Variants in CEP131 observed in about 807,000 individuals in gnomAD.
CEP131 encodes centrosomal protein 131.
A neutral mutation model predicts 136.8 loss-of-function variants in CEP131; 99 were observed. That is an observed-to-expected ratio of 0.72 (90% CI 0.62 to 0.86). The LOEUF (loss-of-function observed/expected upper bound fraction) is 0.86, where lower values mean the gene tolerates loss of function less well. CEP131 is among the 40% of genes least tolerant of loss of function. The pLI, the probability that CEP131 is intolerant of heterozygous loss-of-function variation, is 0.00. For synonymous variants in CEP131, 646 were observed against 612.7 expected (o/e 1.05, Z -0.80); for missense variants, 1,459 against 1,463.0 (o/e 1.00, Z 0.04).
chr17:81,209,530 G>C, intron 2 of CEP131, among the ~76,000 whole-genome samples: 1 of 152,172 alleles, frequency 6.6e-6, no homozygotes, highest in East Asian at 1.9e-4. Context: ...CGTGGAAAGG[G>C]GTGGAGGGGA....
chr17:81,216,801 G>GTCATGGCA (rs773501226), intron 2 of CEP131, among the ~76,000 whole-genome samples: 79 of 152,370 alleles, frequency 5.2e-4, no homozygotes, highest in Admixed American at 4.6e-4. Context: ...AATGGCACCA[G>GTCATGGCA]TCATTGCATC....
chr17:81,220,293 G>A (rs2062358319), intron 1 of CEP131, among the ~76,000 whole-genome samples: 1 of 152,156 alleles, frequency 6.6e-6, no homozygotes, highest in Admixed American at 6.5e-5. Flanking sequence ...GGGCAGGAGG[G>A]CCCTGGATGA....
rs906034069 is a variant in CEP131, at chr17:81,208,235, G to A, written c.272+693C>T. Among the ~76,000 whole-genome samples, 5 of 152,170 alleles carry A rather than the reference G, an allele frequency of 3.3e-5. No homozygotes were observed. The highest frequency in any genetic ancestry group is 2.9e-5 in the Non-Finnish European group (2 of 68,026). On this transcript the variant is annotated intron_variant, in intron 3 of 25. Transcript: ENST00000450824. This position sits in a 1 kb window ranked among gnomAD's most constrained non-coding sequence, Gnocchi z 5.6. ...TCCCGGAGGCTGCACTGGATAGGGT[G>A]TGGTGGCCGCAGTTCTTGGTCTTCC...
At chr17:81,192,271 G>T in intron 21 of CEP131, 47 bp downstream of exon 21, 1 of 1,523,414 alleles carries the variant, frequency 6.6e-7, no homozygotes, top group Non-Finnish European at 8.9e-7. Context: ...TCCTGCCCAC[G>T]CAGGGCAGCC....
At chr17:81,196,869 G>T in intron 14 of CEP131, 43 bp from the exon 15 acceptor site, 1 of 1,602,474 alleles carries the variant, frequency 6.2e-7, no homozygotes. Flanking sequence ...GGACCGGTGG[G>T]CCTGGCCTCA....
In CEP131 at chr17:81,196,863, C is replaced by A. The variant is rs201347564; in HGVS notation, c.1774-37G>T. Reference sequence around the variant, plus strand: ...GGGCAGAGGAGGGAAGCGCTAGGACCGGTGGGCCTGGCCTCAGCAGGTAGG... The same window carrying A: ...GGGCAGAGGAGGGAAGCGCTAGGACAGGTGGGCCTGGCCTCAGCAGGTAGG... On this transcript the variant is annotated intron_variant, in intron 14 of 25. Transcript: ENST00000450824. The A allele has an allele frequency of 1.6e-5, 25 of 1,601,520 alleles. No homozygotes were observed. The East Asian group carries it at 5.4e-4, about 35-fold the overall frequency.
In CEP131 at chr17:81,198,213, C is replaced by T. The variant is rs1237455041; in HGVS notation, c.1372G>A (p.Glu458Lys). ...RGSAKSRGPL[E>K]ELLHTLQLLE... ...AGCTGCAGTGTGTGCAGCAGCTCCT[C>T]CAGTGGCCCCCTGGACTTGGCGCTC... Residue 458 changes from glutamate (E) to lysine (K), a missense_variant, in exon 12 of 26, where the codon GAG becomes AAG. Physicochemically the swap from Glu to Lys is moderately conservative, Grantham distance 56. Around this residue, in one of 3 missense-constraint regions of CEP131, gnomAD observed 1,026 missense variants for 964.2 expected, o/e 1.06. Transcript: ENST00000450824. 6.3e-7 allele frequency: 1 copy of T among 1,596,510 alleles called. No homozygotes were observed. Among genetic ancestry groups the T allele is most frequent in the Admixed American group, 1.7e-5 (1 of 58,634 alleles).
chr17:81,222,641 C>T (rs1249341375), intron 1 of CEP131, 128 bp downstream of exon 1: 1 of 152,178 alleles, frequency 6.6e-6, no homozygotes, highest in Non-Finnish European at 1.5e-5. Flanking sequence ...GATCCCCCCA[C>T]TCACCTGTGC....
chr17:81,192,192 T>C, intron 21 of CEP131, 126 bp downstream of exon 21: 1 of 825,808 alleles, frequency 1.2e-6, no homozygotes, highest in Non-Finnish European at 1.9e-6. Context: ...AGCAGCCAGA[T>C]GTGACTCCCA....
chr17:81,214,795 C>T (rs1314559780), intron 2 of CEP131, among the ~76,000 whole-genome samples: 1 of 151,960 alleles, frequency 6.6e-6, no homozygotes, highest in Non-Finnish European at 1.5e-5. Flanking sequence ...TTTTTTGAGA[C>T]GGAATCTCGC....
chr17:81,196,888 G>A (rs907142230), intron 14 of CEP131, 42 bp downstream of exon 14: 41 of 1,606,350 alleles, frequency 2.6e-5, no homozygotes, highest in Non-Finnish European at 3.4e-5. Context: ...CAGCAGGTAG[G>A]AGGCTAGCAG....
chr17:81,220,781 A>T (rs1021409973), intron 1 of CEP131, among the ~76,000 whole-genome samples: 5 of 151,194 alleles, frequency 3.3e-5, no homozygotes, highest in African/African-American at 9.7e-5. Flanking sequence ...GATTACAGGC[A>T]TGAGCCACCG....
chr17:81,193,769 C>CCCAAGGGCCACTCCAGGG (rs1192470728), intron 18 of CEP131, among the ~76,000 whole-genome samples, 157 bp downstream of exon 18: 1 of 152,208 alleles, frequency 6.6e-6, no homozygotes, highest in Admixed American at 6.5e-5. Flanking sequence ...AGGCTGGGCC[C>CCCAAGGGCCACTCCAGGG]CCAAGGGCCA....
chr17:81,203,999 G>T lies in CEP131; in HGVS notation c.516-392C>A. On this transcript the variant is annotated intron_variant, in intron 5 of 25. Transcript: ENST00000450824. The surrounding 1 kb of genome is among the most constrained non-coding windows in gnomAD (Gnocchi z 4.6). ...GCCTCTGCCCCTCCGCAGACCCGCA[G>T]GAAGGCGGGAGGACAGGACCAATAC... The T allele has an allele frequency of 5.2e-6, 1 of 192,280 alleles. No individual in the cohort carries two copies. The highest frequency in any genetic ancestry group is 1.1e-5 in the Non-Finnish European group (1 of 92,234). 11.9% of individuals were successfully genotyped at this position (192,280 alleles called of 1,614,324 possible).
intron 8 of CEP131, 192 bp from the exon 9 acceptor site, chr17:81,200,027 G>C (rs771080102): frequency 3.2e-6 from 2 of 633,526 alleles, no homozygotes; most frequent in African/African-American, 1.8e-5. Context: ...GCCCTACGTC[G>C]CAGGTGGCCA....
intron 11 of CEP131, 67 bp from the exon 12 acceptor site, chr17:81,198,364 G>A (rs934037303): frequency 2.7e-6 from 4 of 1,472,226 alleles, no homozygotes; most frequent in South Asian, 1.3e-5. Context: ...CCACATAGGA[G>A]GCCAACCGCA....
At chr17:81,192,653 G>A (rs2061667221) in intron 19 of CEP131, 60 bp from the exon 20 acceptor site, 4 of 1,419,090 alleles carry the variant, frequency 2.8e-6, no homozygotes, top group Non-Finnish European at 3.9e-6. Flanking sequence ...AGGGATGGGA[G>A]AGGTCAGCGG....
At chr17:81,190,532 T>A in intron 24 of CEP131, 107 bp downstream of exon 24, 1 of 1,354,394 alleles carries the variant, frequency 7.4e-7, no homozygotes, top group Admixed American at 2.9e-5. Context: ...TGTCTCTGCA[T>A]CTCCTGGCCT....
At chr17:81,211,943 AAAAAAAG>A (rs1314855982) in intron 2 of CEP131, among the ~76,000 whole-genome samples, 1 of 151,564 alleles carries the variant, frequency 6.6e-6, no homozygotes, top group African/African-American at 2.4e-5. Context: ...TGAAAAAAAA[AAAAAAAG>A]AAAAAATAGA....
Sources: gnomAD v4.1 joint callset for allele counts (sites outside exome capture counted in the v4.1 genomes callset) on GRCh38, gnomAD v4.1.1 for gene constraint, gnomAD v4.1.1 regional missense constraint, Gnocchi (gnomAD v3.1) non-coding constraint, MANE v1.5 for transcripts, NCBI Gene and HGNC (gene_info 2026-07-23, HGNC 2026-07-21) for gene names.